CNTN5: variants seen among roughly 807,000 people sequenced by gnomAD.
CNTN5 encodes contactin 5.
A neutral mutation model predicts 129.1 loss-of-function variants in CNTN5; 77 were observed. The observed-to-expected ratio is 0.60, with a 90% CI of 0.50 to 0.72. The LOEUF (loss-of-function observed/expected upper bound fraction) is 0.72, where lower values mean the gene tolerates loss of function less well. CNTN5 is among the 30% of genes least tolerant of loss of function. The pLI is 0.00. For synonymous variants in CNTN5, 509 were observed against 465.6 expected, an observed-to-expected ratio of 1.09 and a Z score of -1.20; for missense variants, 1,478 against 1,328.8, an observed-to-expected ratio of 1.11 and a Z score of -1.75.
At chr11:100,235,118 A>C (rs1949581712) in intron 16 of CNTN5, among the ~76,000 whole-genome samples, 1 of 152,252 alleles carries the variant, frequency 6.6e-6, no homozygotes, top group African/African-American at 2.4e-5. Flanking sequence ...CACAAATATT[A>C]AGCAAAATAT....
At chr11:99,934,065 G>A (rs1950252712) in intron 7 of CNTN5, among the ~76,000 whole-genome samples, 1 of 152,150 alleles carries the variant, frequency 6.6e-6, no homozygotes, top group Non-Finnish European at 1.5e-5. Flanking sequence ...TAATTTTGAT[G>A]ATAGTATATA....
intron 6 of CNTN5, among the ~76,000 whole-genome samples, chr11:99,870,769 T>C (rs1370755488): frequency 6.6e-6 from 1 of 151,780 alleles, no homozygotes; most frequent in African/African-American, 2.4e-5. Flanking sequence ...TCCCCTCTCC[T>C]TAAAGGATGA....
chr11:99,202,843 A>T (rs1377191590), intron 1 of CNTN5, among the ~76,000 whole-genome samples: 1 of 151,720 alleles, frequency 6.6e-6, no homozygotes, highest in East Asian at 1.9e-4. Flanking sequence ...AGGTATTAAA[A>T]TATTTGCCTT....
intron 3 of CNTN5, among the ~76,000 whole-genome samples, chr11:99,795,917 G>C (rs1345505369): frequency 6.6e-6 from 1 of 152,200 alleles, no homozygotes; most frequent in Non-Finnish European, 1.5e-5. Context: ...CAGCCAAAGT[G>C]CTTCATCAGG....
In CNTN5 at chr11:99,900,570, ATGT is replaced by A. The variant is rs141896763; in HGVS notation, c.578-15476_578-15474del. Among the ~76,000 whole-genome samples the A allele has an allele frequency of 4.1e-3, 622 of 151,596 alleles. 18 individuals are homozygous for A. In the East Asian group the frequency reaches 0.083, roughly 20 times the overall value. On this transcript the variant is annotated intron_variant, in intron 6 of 24. Transcript: ENST00000524871. Reference sequence around the variant, plus strand: ...TAATTTTTTTTTTATTTCTGACTTGATGTTGTTGTTTAACATGATCTTTTTTGT... The same window carrying A: ...TAATTTTTTTTTTATTTCTGACTTGATGTTGTTTAACATGATCTTTTTTGT...
chr11:100,159,700 C>A (rs1157856684), intron 13 of CNTN5, among the ~76,000 whole-genome samples: 5 of 151,850 alleles, frequency 3.3e-5, no homozygotes, highest in African/African-American at 1.2e-4. Context: ...TGACAAAGGT[C>A]GTTAGGTTCT....
intron 1 of CNTN5, among the ~76,000 whole-genome samples, chr11:99,098,942 T>G (rs1049338484): frequency 6.6e-6 from 1 of 152,240 alleles, no homozygotes; most frequent in Non-Finnish European, 1.5e-5. Flanking sequence ...AAGTAGAAAC[T>G]GAACATCATT....
At chr11:99,798,183 C>T (rs1252393681) in intron 3 of CNTN5, among the ~76,000 whole-genome samples, 2 of 152,018 alleles carry the variant, frequency 1.3e-5, no homozygotes, top group Non-Finnish European at 2.9e-5. Flanking sequence ...TCATTTGGAT[C>T]CCACTTACAA....
intron 7 of CNTN5, among the ~76,000 whole-genome samples, chr11:99,925,448 C>T (rs1950039553): frequency 6.6e-6 from 1 of 152,152 alleles, no homozygotes; most frequent in African/African-American, 2.4e-5. Context: ...TTTAACACTC[C>T]TTCATTGTAA....
intron 4 of CNTN5, among the ~76,000 whole-genome samples, chr11:99,827,222 G>A (rs889465259): frequency 2.6e-5 from 4 of 152,088 alleles, no homozygotes; most frequent in Non-Finnish European, 5.9e-5. Flanking sequence ...CTGGTAGCTG[G>A]AACTACAGGC....
chr11:99,628,839 T>G (rs1370922149), intron 3 of CNTN5, among the ~76,000 whole-genome samples: 1 of 152,042 alleles, frequency 6.6e-6, no homozygotes, highest in Non-Finnish European at 1.5e-5. Flanking sequence ...CCCTTATATT[T>G]TAGAAGCAAA....
chr11:99,598,259 CT>C (rs1470854977), intron 3 of CNTN5, among the ~76,000 whole-genome samples: 1 of 1,708 alleles, frequency 5.9e-4, no homozygotes, highest in Non-Finnish European at 2.5e-3. Context: ...CTTAGCTTTC[CT>C]TTTCTTTTCT....
At chr11:99,031,878 C>G (rs1480652306) in intron 1 of CNTN5, among the ~76,000 whole-genome samples, 1 of 150,512 alleles carries the variant, frequency 6.6e-6, no homozygotes, top group Non-Finnish European at 1.5e-5. Flanking sequence ...AACTCGTCAT[C>G]TAGCATTAGG....
At chr11:100,051,455 A>G (rs1450537248) in intron 9 of CNTN5, among the ~76,000 whole-genome samples, 1 of 152,048 alleles carries the variant, frequency 6.6e-6, no homozygotes, top group African/African-American at 2.4e-5. Context: ...AATAATAATG[A>G]AAACACAACA....
chr11:99,637,349 G>A (rs1690806), intron 3 of CNTN5, among the ~76,000 whole-genome samples: 91,327 of 151,806 alleles, frequency 0.6, 28,298 homozygotes, highest in Admixed American at 0.69. Flanking sequence ...ACAATGTCAT[G>A]ATATCAAAGG....
chr11:99,910,396 C>G (rs1028910541), intron 6 of CNTN5, among the ~76,000 whole-genome samples: 2 of 152,064 alleles, frequency 1.3e-5, no homozygotes, highest in Non-Finnish European at 2.9e-5. Flanking sequence ...TCTGTGCAGA[C>G]AAATGACTAT....
chr11:99,037,868 T>G (rs1220746932), intron 1 of CNTN5, among the ~76,000 whole-genome samples: 3 of 152,170 alleles, frequency 2.0e-5, no homozygotes, highest in African/African-American at 7.2e-5. Context: ...GGCCAGGACA[T>G]CTCTTTACAA....
intron 1 of CNTN5, among the ~76,000 whole-genome samples, chr11:99,072,380 G>A (rs1183250087): frequency 6.6e-6 from 1 of 151,846 alleles, no homozygotes; most frequent in Non-Finnish European, 1.5e-5. Flanking sequence ...ATGTCATTGG[G>A]GCTATTCAAT....
intron 3 of CNTN5, among the ~76,000 whole-genome samples, chr11:99,560,714 TTAA>T (rs1489718842): frequency 2.6e-5 from 4 of 152,000 alleles, no homozygotes; most frequent in African/African-American, 7.2e-5. Flanking sequence ...TGCACTCTAG[TTAA>T]TAATATTTTT....
Sources: allele counts gnomAD v4.1 joint callset (sites outside exome capture counted in the v4.1 genomes callset), GRCh38; gene constraint gnomAD v4.1.1; transcripts MANE v1.5; gene names NCBI Gene and HGNC (gene_info 2026-07-23, HGNC 2026-07-21).